The following MYO9A variants were observed in gnomAD, a reference collection of about 807,000 sequenced individuals.
The protein encoded by MYO9A is unconventional myosin-IXa.
MYO9A carries 103 observed loss-of-function variants against 293.3 expected under a neutral mutation model. The observed-to-expected ratio is 0.35, with a 90% CI of 0.30 to 0.41. The LOEUF is 0.41. Among genes scored for constraint, MYO9A ranks in the 10% least tolerant of loss-of-function variants. The pLI, the probability that MYO9A is intolerant of heterozygous loss-of-function variation, is 1.00. For missense variants in MYO9A, 2,685 were observed against 3,033.0 expected (o/e 0.89, Z 2.69); for synonymous variants, 1,001 against 1,035.7 (o/e 0.97, Z 0.64).
chr15:71,915,595 G>GT (rs2057986828), intron 19 of MYO9A, among the ~76,000 whole-genome samples: 1 of 152,044 alleles, frequency 6.6e-6, no homozygotes, highest in African/African-American at 2.4e-5. Context: ...TGATACATTA[G>GT]TAGATAGCTT....
At chr15:71,885,474 T>C (rs1331760385) in intron 27 of MYO9A, among the ~76,000 whole-genome samples, 1 of 152,036 alleles carries the variant, frequency 6.6e-6, no homozygotes, top group African/African-American at 2.4e-5. Context: ...CTCAATACAT[T>C]CAAATGTATT....
chr15:72,054,247 G>A (rs2078653732), intron 1 of MYO9A, among the ~76,000 whole-genome samples: 1 of 152,150 alleles, frequency 6.6e-6, no homozygotes, highest in Non-Finnish European at 1.5e-5. Flanking sequence ...AGGCCTGAGA[G>A]AAAGGTCTCT....
intron 37 of MYO9A, 144 bp downstream of exon 37, chr15:71,851,109 C>T: frequency 1.5e-6 from 1 of 651,272 alleles, no homozygotes. Context: ...TCCAAGGTAT[C>T]CTAACCACCT....
chr15:71,990,665 G>A (rs1037527864), intron 11 of MYO9A, among the ~76,000 whole-genome samples: 6 of 151,574 alleles, frequency 4.0e-5, no homozygotes, highest in African/African-American at 7.3e-5. Context: ...GCTGAGCCAG[G>A]AGGCTGGCAT....
At chr15:72,109,381 C>A (rs1596600763) in intron 1 of MYO9A, among the ~76,000 whole-genome samples, 1 of 148,792 alleles carries the variant, frequency 6.7e-6, no homozygotes, top group East Asian at 2.0e-4. Context: ...CAGAGCAAGG[C>A]TCTGTCTAAA....
chr15:71,940,643 C>T (rs2058750563), intron 15 of MYO9A, among the ~76,000 whole-genome samples: 1 of 152,080 alleles, frequency 6.6e-6, no homozygotes, highest in South Asian at 2.1e-4. Flanking sequence ...TATCTATGTG[C>T]CTGAATTGGA....
At chr15:72,050,068 A>G (rs760847358) in intron 1 of MYO9A, among the ~76,000 whole-genome samples, 4 of 152,168 alleles carry the variant, frequency 2.6e-5, no homozygotes, top group Non-Finnish European at 5.9e-5. Context: ...TTCCTGAAAC[A>G]GAAGTGTTTA....
chr15:71,967,866 A>C lies in MYO9A; in HGVS notation c.1986+118T>G, dbSNP rs114005279. ...CTAAGTTTTAGTAGTATCTTTATAC[A>C]ATATCTCCAGTTATTACTGATCAAA... On this transcript the variant is annotated intron_variant, in intron 13 of 41. Coordinates refer to ENST00000356056, the MANE Select transcript of MYO9A (RefSeq NM_006901.4). The C allele has an allele frequency of 1.2e-3, 1,186 of 962,618 alleles. 8 individuals are homozygous for C. In the African/African-American group the frequency reaches 0.016, roughly 13 times the overall value. 59.6% of individuals were successfully genotyped at this position (962,618 alleles called of 1,614,324 possible). A position where few individuals can be genotyped will look rare whatever the true frequency, so the allele number is the denominator to read the frequency against.
chr15:72,075,004 G>A (rs1356960139), intron 1 of MYO9A, among the ~76,000 whole-genome samples: 1 of 101,100 alleles, frequency 9.9e-6, no homozygotes, highest in Non-Finnish European at 1.8e-5. Context: ...TGCTCTTGTT[G>A]CCCAGGCTGG....
At chr15:71,904,817 T>C (rs1353311560) in intron 20 of MYO9A, 109 bp downstream of exon 20, 3 of 625,500 alleles carry the variant, frequency 4.8e-6, no homozygotes, top group African/African-American at 1.9e-5. Context: ...CTATTTTCCT[T>C]ATAAATATTA....
chr15:71,997,464 G>A (rs2148587728), intron 9 of MYO9A, among the ~76,000 whole-genome samples: 1 of 152,194 alleles, frequency 6.6e-6, no homozygotes, highest in African/African-American at 2.4e-5. Context: ...GCTGGGCATG[G>A]TGGCGGGCGC....
rs375987407 is a variant in MYO9A at position 71,848,847 on chromosome 15, T to C, written c.6835A>G (p.Met2279Val). 1.9e-6 allele frequency: 3 copies of C among 1,601,728 alleles called. No individual in the cohort carries two copies. The highest frequency in any genetic ancestry group is 2.5e-6 in the Non-Finnish European group (3 of 1,176,992). Reference protein sequence around the residue: ...KTRLSLIRRSMGKGRIRRGNY... With the variant: ...KTRLSLIRRSVGKGRIRRGNY... ...CTATTCCATGTGTTGCATCTTACCATTGATCTACGAATCAGTGACAACCTG... is the reference window on the plus strand; with the variant it reads ...CTATTCCATGTGTTGCATCTTACCACTGATCTACGAATCAGTGACAACCTG... The change falls in exon 39 of 42, where the codon ATG becomes GTG. Residue 2279 changes from methionine to valine, a missense_variant and splice_region_variant. Coordinates refer to ENST00000356056, the MANE Select transcript of MYO9A (RefSeq NM_006901.4).
intron 8 of MYO9A, among the ~76,000 whole-genome samples, chr15:72,006,627 G>A (rs1337345760): frequency 6.6e-6 from 1 of 152,126 alleles, no homozygotes; most frequent in East Asian, 1.9e-4. Flanking sequence ...ATGACTTCTT[G>A]CATCTGTCAA....
chr15:71,826,218 A>G lies in MYO9A; in HGVS notation c.*362T>C, dbSNP rs2054495244. The stretch of plus-strand genomic sequence containing the variant: ...TTATACGTTTTCTTCAAATGTCAGA[A>G]ATGAGAGGGTCCCTCAGGACAGCAA... On this transcript the variant is annotated 3_prime_UTR_variant, in exon 42 of 42. Transcript: ENST00000356056. 1 of 189,934 alleles carries G rather than the reference A, an allele frequency of 5.3e-6. No homozygotes were observed. The highest frequency in any genetic ancestry group is 5.7e-5 in the Admixed American group (1 of 17,664). 11.8% of individuals were successfully genotyped at this position (189,934 alleles called of 1,614,324 possible).
Position 72,117,666 on chromosome 15 carries a change from T to G in MYO9A, c.-72+14A>C. 5.0e-6 allele frequency: 2 copies of G among 396,166 alleles called. No individual in the cohort carries two copies. The highest frequency in any genetic ancestry group is 4.4e-6 in the Non-Finnish European group (1 of 224,920). 24.5% of individuals were successfully genotyped at this position (396,166 alleles called of 1,614,324 possible). On this transcript the variant is annotated intron_variant, in intron 1 of 41. Transcript: ENST00000356056. ...ACGGGCTGCAGGGCCGCTGGGCGCT[T>G]GGGCGGGTCTTACCTCGGGCTCCGC... is the stretch of plus-strand genomic sequence containing the variant.
chr15:71,995,103 G>T (rs894263485), intron 9 of MYO9A, among the ~76,000 whole-genome samples: 2 of 152,156 alleles, frequency 1.3e-5, no homozygotes, highest in African/African-American at 4.8e-5. Flanking sequence ...TGCCATTAAA[G>T]ATAAGAGAAA....
chr15:72,008,048 T>C, intron 7 of MYO9A, 96 bp from the exon 8 acceptor site: 1 of 1,412,200 alleles, frequency 7.1e-7, no homozygotes, highest in Non-Finnish European at 9.5e-7. Context: ...CCTACAAATA[T>C]GAAGTATTTA....
At chr15:71,873,990 T>C (rs1346060938) in intron 32 of MYO9A, among the ~76,000 whole-genome samples, 1 of 152,196 alleles carries the variant, frequency 6.6e-6, no homozygotes, top group Non-Finnish European at 1.5e-5. Flanking sequence ...GATGAGGACA[T>C]TGAGACTCAG....
intron 36 of MYO9A, 104 bp downstream of exon 36, chr15:71,852,028 T>TATA (rs2055668845): frequency 1.0e-5 from 13 of 1,271,788 alleles, no homozygotes; most frequent in Non-Finnish European, 1.3e-5. Context: ...CCTTTGAATC[T>TATA]ATAAGAATTA....
Sources: allele counts gnomAD v4.1 joint callset (sites outside exome capture counted in the v4.1 genomes callset), GRCh38; gene constraint gnomAD v4.1.1; transcripts MANE v1.5; gene names NCBI Gene and HGNC (gene_info 2026-07-23, HGNC 2026-07-21).